PIBF1: variants seen among roughly 807,000 people sequenced by gnomAD.
The protein encoded by PIBF1 is progesterone immunomodulatory binding factor 1, also known as progesterone-induced-blocking factor 1.
A neutral mutation model predicts 112.5 loss-of-function variants in PIBF1; 90 were observed. The ratio of observed to expected loss-of-function variants is 0.80; its 90% CI spans 0.67 to 0.95. The LOEUF is 0.95. Among genes scored for constraint, PIBF1 ranks in the 40% least tolerant of loss-of-function variants. The pLI is 0.00. For synonymous variants in PIBF1, 301 were observed against 288.6 expected (o/e 1.04, Z -0.44); for missense variants, 915 against 852.3 (o/e 1.07, Z -0.92).
intron 5 of PIBF1, among the ~76,000 whole-genome samples, chr13:72,817,261 A>G (rs1170530356): frequency 1.3e-5 from 2 of 152,156 alleles, no homozygotes; most frequent in East Asian, 3.9e-4. Context: ...ACATCATGGG[A>G]GAGACAAAAG....
At chr13:72,844,770 C>CGGATG (rs1341154496) in intron 9 of PIBF1, among the ~76,000 whole-genome samples, 1 of 108,020 alleles carries the variant, frequency 9.3e-6, no homozygotes, top group African/African-American at 3.5e-5. Flanking sequence ...CACACACACA[C>CGGATG]ACACACACAC....
chr13:72,917,906 A>G (rs1169913263), intron 13 of PIBF1, among the ~76,000 whole-genome samples: 1 of 152,210 alleles, frequency 6.6e-6, no homozygotes, highest in Non-Finnish European at 1.5e-5. Flanking sequence ...ATATTATACC[A>G]ATTGTATGTA....
intron 10 of PIBF1, among the ~76,000 whole-genome samples, chr13:72,880,372 G>C (rs1039800503): frequency 5.3e-5 from 8 of 152,168 alleles, no homozygotes; most frequent in Admixed American, 1.3e-4. Context: ...CTGCAGCCAG[G>C]AAACATACAA....
At chr13:72,832,015 T>A (rs1033625782) in intron 8 of PIBF1, among the ~76,000 whole-genome samples, 1 of 151,590 alleles carries the variant, frequency 6.6e-6, no homozygotes, top group African/African-American at 2.4e-5. Context: ...TTTATTCTCC[T>A]TTGATCTTTG....
At chr13:72,948,985 A>G (rs183116757) in intron 14 of PIBF1, among the ~76,000 whole-genome samples, 37 of 152,328 alleles carry the variant, frequency 2.4e-4, no homozygotes, top group Admixed American at 1.3e-3. Flanking sequence ...AAGCCTAACC[A>G]TATCAACAAG....
rs532405056 is a variant in PIBF1 at position 72,813,002 on chromosome 13, G to A, written c.673-8847G>A. Among the ~76,000 whole-genome samples the A allele has an allele frequency of 5.7e-4, 87 of 152,168 alleles. 1 individual carries two copies. Among genetic ancestry groups the A allele is most frequent in the Middle Eastern group, 6.8e-3 (2 of 294 alleles). ...AAAGAAATAGCCATCAACTTAATTT[G>A]TAAGATAGGTATTTCAGCCAAATAA... On this transcript the variant is annotated intron_variant, in intron 5 of 17. Coordinates refer to ENST00000326291, the MANE Select transcript of PIBF1 (RefSeq NM_006346.4).
chr13:72,883,040 C>T (rs1216082897), intron 10 of PIBF1, among the ~76,000 whole-genome samples: 3 of 152,164 alleles, frequency 2.0e-5, no homozygotes, highest in Admixed American at 1.3e-4. Flanking sequence ...CACTTCCATA[C>T]TTATTGCAGC....
chr13:72,809,764 A>G (rs111594907), intron 5 of PIBF1, among the ~76,000 whole-genome samples: 3,118 of 151,504 alleles, frequency 0.021, 108 homozygotes, highest in African/African-American at 0.071. Context: ...TAATTTTTGT[A>G]TTTTTAGTAG....
chr13:72,906,896 GA>G lies in PIBF1; in HGVS notation c.1489-1634del, dbSNP rs148955142. 6.4e-3 allele frequency among the ~76,000 whole-genome samples: 968 copies of G among 152,052 alleles called. 12 individuals carry two copies. Among genetic ancestry groups the G allele is most frequent in the African/African-American group, 0.022 (899 of 41,492 alleles). ...ACTGCCTTTACTGATTCTCTCTTTTGACAGTGGAATTAGTTTCATCAGCCAC... is the reference window on the plus strand; with the variant it reads ...ACTGCCTTTACTGATTCTCTCTTTTGCAGTGGAATTAGTTTCATCAGCCAC... On this transcript the variant is annotated intron_variant, in intron 11 of 17. Coordinates refer to ENST00000326291, the MANE Select transcript of PIBF1 (RefSeq NM_006346.4).
At chr13:72,782,828 C>G (rs1190621085) in intron 1 of PIBF1, among the ~76,000 whole-genome samples, 1 of 151,646 alleles carries the variant, frequency 6.6e-6, no homozygotes. Context: ...GAATAAAATC[C>G]AACCCTATTT....
chr13:72,962,158 G>T (rs971852316), intron 14 of PIBF1, among the ~76,000 whole-genome samples: 1 of 151,980 alleles, frequency 6.6e-6, no homozygotes, highest in Non-Finnish European at 1.5e-5. Context: ...TTTTGTAACC[G>T]CTAATAATAT....
chr13:72,970,946 T>G (rs1413717335), intron 15 of PIBF1, among the ~76,000 whole-genome samples: 1 of 152,184 alleles, frequency 6.6e-6, no homozygotes, highest in Non-Finnish European at 1.5e-5. Context: ...ACTCATGTCT[T>G]ACAGGTGCAA....
At position 72,963,107 on chromosome 13, in the gene PIBF1, T is replaced by C. The variant is rs117940473; in HGVS notation, c.1834-2167T>C. Among the ~76,000 whole-genome samples, 1,157 of 152,294 alleles carry C rather than the reference T, an allele frequency of 7.6e-3. 14 individuals carry two copies. The highest frequency in any genetic ancestry group is 0.014 in the Middle Eastern group (4 of 294). On this transcript the variant is annotated intron_variant, in intron 14 of 17. Coordinates refer to ENST00000326291, the MANE Select transcript of PIBF1 (RefSeq NM_006346.4). ...ATGCAAAAGAATGAAGTTGGACCCT[T>C]ACCTTACACCATATTCAAAAGCTAA...
chr13:72,905,492 T>C (rs2040672238), intron 11 of PIBF1, among the ~76,000 whole-genome samples: 1 of 152,092 alleles, frequency 6.6e-6, no homozygotes. Context: ...AAAGCCTTAG[T>C]GAAAAACATA....
At chr13:72,839,485 C>T (rs558985582) in intron 9 of PIBF1, among the ~76,000 whole-genome samples, 3 of 152,120 alleles carry the variant, frequency 2.0e-5, no homozygotes, top group Non-Finnish European at 4.4e-5. Flanking sequence ...ATCTGAACCT[C>T]AAGAGAAAGA....
chr13:72,867,571 T>A (rs998587106), intron 10 of PIBF1, among the ~76,000 whole-genome samples: 12 of 152,236 alleles, frequency 7.9e-5, no homozygotes, highest in African/African-American at 2.9e-4. Flanking sequence ...TTTATGCAGA[T>A]GAGTAAACTT....
chr13:72,839,748 T>C (rs761541971), intron 9 of PIBF1, among the ~76,000 whole-genome samples: 11 of 152,210 alleles, frequency 7.2e-5, no homozygotes, highest in Non-Finnish European at 1.6e-4. Flanking sequence ...AAAAAATCTT[T>C]AAAGTTTATC....
At chr13:72,873,791 T>C (rs1319533575) in intron 10 of PIBF1, among the ~76,000 whole-genome samples, 1 of 151,992 alleles carries the variant, frequency 6.6e-6, no homozygotes. Flanking sequence ...AAAATTGCTC[T>C]TCTGTTAATA....
chr13:72,885,258 T>G (rs950172899), intron 10 of PIBF1, among the ~76,000 whole-genome samples: 8 of 152,154 alleles, frequency 5.3e-5, no homozygotes, highest in Admixed American at 2.0e-4. Flanking sequence ...TCATTTTGGC[T>G]TCTCTTTTCT....
Sources: allele counts gnomAD v4.1 joint callset (sites outside exome capture counted in the v4.1 genomes callset), GRCh38; gene constraint gnomAD v4.1.1; transcripts MANE v1.5; gene names NCBI Gene and HGNC (gene_info 2026-07-23, HGNC 2026-07-21).